GALNTL6: variants seen among roughly 807,000 people sequenced by gnomAD.
The protein encoded by GALNTL6 is polypeptide N-acetylgalactosaminyltransferase like 6.
GALNTL6 carries 46 observed loss-of-function variants against 73.7 expected under a neutral mutation model. That is an observed-to-expected ratio of 0.62 (90% confidence interval 0.49 to 0.80). GALNTL6 has a LOEUF of 0.80. Among genes scored for constraint, GALNTL6 ranks in the 30% least tolerant of loss-of-function variants. The probability of loss-of-function intolerance (pLI) is 0.00; values close to 1 mark genes in which losing one functional copy is unlikely to be tolerated. For missense variants in GALNTL6, 604 were observed against 755.0 expected, an observed-to-expected ratio of 0.80 and a Z score of 2.34; for synonymous variants, 259 against 263.7, an observed-to-expected ratio of 0.98 and a Z score of 0.17.
chr4:172,242,794 G>A (rs1024257720), intron 3 of GALNTL6, among the ~76,000 whole-genome samples: 25 of 152,290 alleles, frequency 1.6e-4, no homozygotes, highest in Non-Finnish European at 3.4e-4. Context: ...AGTGGTTCTT[G>A]AAAAGCATAA....
At chr4:172,740,816 G>A (rs1463654006) in intron 5 of GALNTL6, among the ~76,000 whole-genome samples, 2 of 152,074 alleles carry the variant, frequency 1.3e-5, no homozygotes, top group African/African-American at 4.8e-5. Flanking sequence ...GGCTAATGAA[G>A]AAAATTCATG....
At chr4:171,827,765 A>G (rs1165622807) in intron 2 of GALNTL6, among the ~76,000 whole-genome samples, 2 of 152,142 alleles carry the variant, frequency 1.3e-5, no homozygotes, top group Admixed American at 1.3e-4. Flanking sequence ...TGTCTTCGGT[A>G]CCTTCATTAT....
At chr4:172,256,353 T>G (rs1326794671) in intron 3 of GALNTL6, among the ~76,000 whole-genome samples, 1 of 151,466 alleles carries the variant, frequency 6.6e-6, no homozygotes, top group Non-Finnish European at 1.5e-5. Context: ...TGTCTCATTT[T>G]AAACCTGCCT....
intron 10 of GALNTL6, among the ~76,000 whole-genome samples, chr4:172,999,229 G>A (rs925097410): frequency 2.0e-5 from 3 of 152,148 alleles, no homozygotes; most frequent in African/African-American, 7.2e-5. Context: ...GAAACTTGCA[G>A]GACATAGCAG....
chr4:172,539,263 T>G (rs1735461678), intron 5 of GALNTL6, among the ~76,000 whole-genome samples: 1 of 152,226 alleles, frequency 6.6e-6, no homozygotes, highest in Non-Finnish European at 1.5e-5. Flanking sequence ...CCGTTAGCGT[T>G]GTGATCACTT....
intron 9 of GALNTL6, among the ~76,000 whole-genome samples, chr4:172,939,448 A>G (rs1361906843): frequency 1.3e-5 from 2 of 152,232 alleles, no homozygotes; most frequent in Non-Finnish European, 2.9e-5. Flanking sequence ...TGTGACAATA[A>G]TGATTCAATA....
intron 2 of GALNTL6, among the ~76,000 whole-genome samples, chr4:171,919,177 T>TAAGG (rs1737712358): frequency 6.6e-6 from 1 of 152,160 alleles, no homozygotes; most frequent in Non-Finnish European, 1.5e-5. Context: ...AAGTCAGTCT[T>TAAGG]CTTCATCTTC....
intron 2 of GALNTL6, among the ~76,000 whole-genome samples, chr4:171,834,065 T>G (rs1735042424): frequency 6.6e-6 from 1 of 151,938 alleles, no homozygotes; most frequent in Non-Finnish European, 1.5e-5. Context: ...AAAAACATTT[T>G]TTAAAGCCAA....
At chr4:172,916,132 C>A (rs1334697135) in intron 8 of GALNTL6, among the ~76,000 whole-genome samples, 1 of 152,106 alleles carries the variant, frequency 6.6e-6, no homozygotes, top group Non-Finnish European at 1.5e-5. Flanking sequence ...ATAAACAGAA[C>A]CAAAGACAAA....
chr4:172,044,885 A>C (rs924147190), intron 2 of GALNTL6, among the ~76,000 whole-genome samples: 1 of 152,046 alleles, frequency 6.6e-6, no homozygotes, highest in Non-Finnish European at 1.5e-5. Flanking sequence ...TAAAGTATCA[A>C]GATCTACAAA....
At chr4:172,858,540 T>C (rs1418932838) in intron 7 of GALNTL6, among the ~76,000 whole-genome samples, 1 of 152,100 alleles carries the variant, frequency 6.6e-6, no homozygotes, top group African/African-American at 2.4e-5. Context: ...AGAAAAACTT[T>C]GGCTGCTGGC....
intron 5 of GALNTL6, among the ~76,000 whole-genome samples, chr4:172,643,610 T>C (rs1046955843): frequency 6.6e-6 from 1 of 152,000 alleles, no homozygotes; most frequent in Non-Finnish European, 1.5e-5. Flanking sequence ...TATCCTGATA[T>C]CTAACTTCAT....
chr4:172,329,031 G>A (rs1741034448), intron 4 of GALNTL6, among the ~76,000 whole-genome samples: 1 of 152,154 alleles, frequency 6.6e-6, no homozygotes, highest in Non-Finnish European at 1.5e-5. Flanking sequence ...GTCAAGCAGG[G>A]GCAGGGTGGT....
At chr4:172,606,959 A>G (rs1738328201) in intron 5 of GALNTL6, among the ~76,000 whole-genome samples, 1 of 151,810 alleles carries the variant, frequency 6.6e-6, no homozygotes, top group Non-Finnish European at 1.5e-5. Flanking sequence ...TTTTGTCTAC[A>G]TTGAGATGAA....
At chr4:172,380,620 A>AT (rs1743246354) in intron 5 of GALNTL6, 2 of 185,010 alleles carry the variant, frequency 1.1e-5, no homozygotes, top group Non-Finnish European at 2.3e-5. Flanking sequence ...ATCAATTAAC[A>AT]TAAGTAATCT....
chr4:172,379,308 A>C (rs11940388), intron 5 of GALNTL6, among the ~76,000 whole-genome samples: 19,789 of 152,084 alleles, frequency 0.13, 1,291 homozygotes, highest in East Asian at 0.18. Context: ...AGGCGGGTGG[A>C]TCATGAGGTC....
At chr4:173,008,855 G>A (rs2126491781) in intron 10 of GALNTL6, among the ~76,000 whole-genome samples, 1 of 152,274 alleles carries the variant, frequency 6.6e-6, no homozygotes, top group African/African-American at 2.4e-5. Flanking sequence ...CCTATGTATA[G>A]GAACAATGGA....
chr4:172,372,649 T>G (rs1389757736), intron 5 of GALNTL6, among the ~76,000 whole-genome samples: 4 of 152,204 alleles, frequency 2.6e-5, no homozygotes, highest in African/African-American at 4.8e-5. Context: ...AGTTTTGTCC[T>G]GTCAGAAGGC....
intron 5 of GALNTL6, among the ~76,000 whole-genome samples, chr4:172,645,174 T>C (rs1740180660): frequency 6.6e-6 from 1 of 152,060 alleles, no homozygotes; most frequent in Non-Finnish European, 1.5e-5. Flanking sequence ...TAGTGTCTTC[T>C]GATAAATAGA....
Sources: allele counts gnomAD v4.1 joint callset (sites outside exome capture counted in the v4.1 genomes callset), GRCh38; gene constraint gnomAD v4.1.1; transcripts MANE v1.5; gene names NCBI Gene and HGNC (gene_info 2026-07-23, HGNC 2026-07-21).